NR2F1-AS1: variants seen among roughly 807,000 people sequenced by gnomAD.
The protein encoded by NR2F1-AS1 is NR2F1 antisense RNA 1.
At chr5:93,573,355 G>A (rs1357858597) in intron 1 of NR2F1-AS1, among the ~76,000 whole-genome samples, 1 of 152,194 alleles carries the variant, frequency 6.6e-6, no homozygotes, top group Non-Finnish European at 1.5e-5. Context: ...GGGAATTCGG[G>A]ACGGAAACGT....
At chr5:93,547,833 T>C (rs987435327) in intron 4 of NR2F1-AS1, among the ~76,000 whole-genome samples, 1 of 152,146 alleles carries the variant, frequency 6.6e-6, no homozygotes, top group African/African-American at 2.4e-5. Context: ...GGCATACCAA[T>C]GTAATGTTGG....
chr5:93,547,350 T>G (rs1288147585), intron 4 of NR2F1-AS1, among the ~76,000 whole-genome samples: 1 of 152,186 alleles, frequency 6.6e-6, no homozygotes, highest in African/African-American at 2.4e-5. Context: ...CAATGCCTTC[T>G]TTATGTTCTT....
intron 4 of NR2F1-AS1, among the ~76,000 whole-genome samples, chr5:93,439,357 G>C (rs771990990): frequency 6.6e-6 from 1 of 152,136 alleles, no homozygotes; most frequent in East Asian, 1.9e-4. Context: ...GGAGTGGCGC[G>C]ATCTCGGCTC....
At chr5:93,539,676 A>C (rs1347813716) in intron 4 of NR2F1-AS1, among the ~76,000 whole-genome samples, 1 of 152,092 alleles carries the variant, frequency 6.6e-6, no homozygotes, top group Middle Eastern at 3.2e-3. Context: ...CAAGGGGAAA[A>C]AATTCTTGTG....
intron 4 of NR2F1-AS1, among the ~76,000 whole-genome samples, chr5:93,549,830 T>G (rs1352765259): frequency 6.6e-6 from 1 of 152,122 alleles, no homozygotes; most frequent in East Asian, 1.9e-4. Flanking sequence ...TGGATGAAGC[T>G]GGAAACCATC....
At chr5:93,577,937 T>A (rs962661557) in intron 1 of NR2F1-AS1, among the ~76,000 whole-genome samples, 3 of 152,200 alleles carry the variant, frequency 2.0e-5, no homozygotes, top group African/African-American at 7.2e-5. Flanking sequence ...TCTGATCATT[T>A]GTAGGGTCCC....
At chr5:93,470,529 T>C (rs1196662324) in intron 4 of NR2F1-AS1, among the ~76,000 whole-genome samples, 1 of 151,810 alleles carries the variant, frequency 6.6e-6, no homozygotes, top group Non-Finnish European at 1.5e-5. Flanking sequence ...TATATATATA[T>C]ATATTACATC....
rs555295414 is a variant in NR2F1-AS1, at chr5:93,427,626, T to C, written n.639-32084A>G. Among the ~76,000 whole-genome samples, 25 of 152,298 alleles carry C rather than the reference T, an allele frequency of 1.6e-4. No individual in the cohort carries two copies. The South Asian group carries it at 5.2e-3, about 32-fold the overall frequency. On this transcript the variant is annotated intron_variant and non_coding_transcript_variant, in intron 4 of 5. Transcript: ENST00000660523. Reference sequence around the variant, plus strand: ...TTTGTACTCAATAATTGTTAATTCATGGCTGACAAGGAAATGTATAAATAC... The same window carrying C: ...TTTGTACTCAATAATTGTTAATTCACGGCTGACAAGGAAATGTATAAATAC...
At chr5:93,418,373 G>T (rs1749012596) in intron 4 of NR2F1-AS1, among the ~76,000 whole-genome samples, 1 of 152,012 alleles carries the variant, frequency 6.6e-6, no homozygotes, top group African/African-American at 2.4e-5. Flanking sequence ...CAGATCACAA[G>T]GTCAGGAGAT....
intron 4 of NR2F1-AS1, among the ~76,000 whole-genome samples, chr5:93,421,971 C>G (rs1227046928): frequency 6.6e-6 from 1 of 152,202 alleles, no homozygotes; most frequent in East Asian, 1.9e-4. Context: ...CAATTATTCT[C>G]TGTAAGTACT....
At chr5:93,502,314 G>A (rs1035669959) in intron 4 of NR2F1-AS1, among the ~76,000 whole-genome samples, 4 of 152,092 alleles carry the variant, frequency 2.6e-5, no homozygotes, top group East Asian at 3.9e-4. Context: ...AGTGAACTGC[G>A]CTTTCTCCAA....
intron 4 of NR2F1-AS1, among the ~76,000 whole-genome samples, chr5:93,437,377 G>C (rs1223547469): frequency 6.6e-6 from 1 of 152,134 alleles, no homozygotes; most frequent in Non-Finnish European, 1.5e-5. Context: ...TTGGGTTAAA[G>C]TATATTATAA....
At chr5:93,422,784 T>C (rs1324034355) in intron 4 of NR2F1-AS1, among the ~76,000 whole-genome samples, 1 of 152,170 alleles carries the variant, frequency 6.6e-6, no homozygotes, top group Non-Finnish European at 1.5e-5. Context: ...TTGGTTAATC[T>C]ACAATGAAAA....
chr5:93,463,636 A>G (rs1432649287), intron 4 of NR2F1-AS1, among the ~76,000 whole-genome samples: 2 of 152,178 alleles, frequency 1.3e-5, no homozygotes, highest in Non-Finnish European at 2.9e-5. Flanking sequence ...GGGGGCCTGT[A>G]CCCTGTAAAG....
intron 4 of NR2F1-AS1, among the ~76,000 whole-genome samples, chr5:93,533,580 GAA>G (rs1173898987): frequency 6.6e-6 from 1 of 151,946 alleles, no homozygotes; most frequent in Admixed American, 6.6e-5. Flanking sequence ...TTTAATTTAG[GAA>G]AAGAGTTCTC....
chr5:93,437,180 C>T (rs1055736954), intron 4 of NR2F1-AS1, among the ~76,000 whole-genome samples: 3 of 152,108 alleles, frequency 2.0e-5, no homozygotes, highest in African/African-American at 7.2e-5. Flanking sequence ...TCTAGAATTG[C>T]ACTGTCCAAA....
upstream of NR2F1-AS1, among the ~76,000 whole-genome samples, chr5:93,581,918 CTCTCTCTCTCTCTGGG>C (rs1219254078): frequency 6.7e-5 from 8 of 120,192 alleles, no homozygotes; most frequent in East Asian, 2.0e-3. Context: ...GTCTCTCTCT[CTCTCTCTCTCTCTGGG>C]TCTCTCTCTC....
chr5:93,526,192 G>A (rs148287599), intron 4 of NR2F1-AS1, among the ~76,000 whole-genome samples: 1 of 152,110 alleles, frequency 6.6e-6, no homozygotes, highest in Non-Finnish European at 1.5e-5. Context: ...TGATCCCACA[G>A]AAATACAGAC....
chr5:93,561,641 C>T (rs6899105), intron 2 of NR2F1-AS1, among the ~76,000 whole-genome samples: 74 of 152,048 alleles, frequency 4.9e-4, no homozygotes, highest in African/African-American at 1.7e-3. Flanking sequence ...GGCATAATGG[C>T]GCATGCCTGT....
Sources: gnomAD v4.1 joint callset for allele counts (sites outside exome capture counted in the v4.1 genomes callset) on GRCh38, gnomAD v4.1.1 for gene constraint, MANE v1.5 for transcripts, NCBI Gene and HGNC (gene_info 2026-07-23, HGNC 2026-07-21) for gene names.